The following RFT1 variants were observed in gnomAD, a reference collection of about 807,000 sequenced individuals.
RFT1 encodes the protein man(5)GlcNAc(2)-PP-dolichol translocation protein RFT1.
A neutral mutation model predicts 62.2 loss-of-function variants in RFT1; 43 were observed. The ratio of observed to expected loss-of-function variants is 0.69; its 90% confidence interval spans 0.54 to 0.89. RFT1 has a LOEUF of 0.89. Ranked by LOEUF, RFT1 falls within the 40% of genes least tolerant of loss-of-function variation. The pLI is 0.00. For missense variants in RFT1, 605 were observed against 649.9 expected (o/e 0.93, Z 0.75); for synonymous variants, 262 against 264.6 (o/e 0.99, Z 0.10).
chr3:53,092,444 G>A lies in RFT1; in HGVS notation c.1383C>T (p.Pro461=). The change falls in exon 12 of 13, where the codon CCC becomes CCT. Residue 461 remains proline (P), a synonymous_variant. Coordinates refer to ENST00000296292, the MANE Select transcript of RFT1 (RefSeq NM_052859.4). ...CTGGCGATAGGTGCAGGCCAGCCAG[G>A]GGCCTGTGGGGGCTCCTTCGGTAGT... The part of the protein sequence containing the change: ...HRYYRRSPHR[P]LAGLHLSPVL... The A allele has an allele frequency of 6.2e-7, 1 of 1,611,482 alleles. No homozygotes were observed.
At chr3:53,099,570 C>A in intron 10 of RFT1, 84 bp from the exon 11 acceptor site, 1 of 1,030,242 alleles carries the variant, frequency 9.7e-7, no homozygotes, top group Non-Finnish European at 1.5e-6. Flanking sequence ...ACCCAGAGAA[C>A]CAGAACCAGA....
intron 8 of RFT1, 136 bp downstream of exon 8, chr3:53,106,683 A>AC: frequency 1.3e-6 from 1 of 749,050 alleles, no homozygotes; most frequent in Non-Finnish European, 2.3e-6. Context: ...CAGTACAAAG[A>AC]CCTACAATTT....
chr3:53,119,954 T>G lies in RFT1; in HGVS notation c.626A>C (p.Glu209Ala). 1 of 1,612,948 alleles carries G rather than the reference T, an allele frequency of 6.2e-7. No homozygotes were observed. Among genetic ancestry groups the G allele is most frequent in the Non-Finnish European group, 8.5e-7 (1 of 1,179,498 alleles). Residue 209 changes from glutamate to alanine, a missense_variant, in exon 6 of 13, where the codon GAA becomes GCA. Glu to Ala is a moderately radical substitution (Grantham distance 107). Coordinates refer to ENST00000296292, the MANE Select transcript of RFT1 (RefSeq NM_052859.4). ...IYFTKLLGSP[E>A]STKLQTLPVS... ...AGGAAGAGTTTGAAGCTTGGTTGAT[T>G]CTGGGGAACCCAGTAACTTTGTGAA...
At chr3:53,081,901 G>A in the RFT1 span, among the ~76,000 whole-genome samples, 2 of 152,144 alleles carry the variant, frequency 1.3e-5, no homozygotes, top group African/African-American at 4.8e-5. Context: ...GGTCAGGGAT[G>A]GATTGAAAAC....
intron 6 of RFT1, among the ~76,000 whole-genome samples, chr3:53,114,157 C>T (rs943661402): frequency 2.0e-5 from 3 of 152,152 alleles, no homozygotes; most frequent in African/African-American, 4.8e-5. Context: ...TGACCACAGC[C>T]GGCTTCAGCA....
chr3:53,102,831 G>C (rs1014766355), intron 10 of RFT1, among the ~76,000 whole-genome samples: 1 of 152,246 alleles, frequency 6.6e-6, no homozygotes, highest in Non-Finnish European at 1.5e-5. Flanking sequence ...GCTGAGTCAT[G>C]ATAATGATGG....
At chr3:53,112,020 T>A (rs1701667137) in intron 6 of RFT1, 112 bp from the exon 7 acceptor site, 1 of 813,550 alleles carries the variant, frequency 1.2e-6, no homozygotes, top group Non-Finnish European at 2.1e-6. Context: ...ACTTGGATAG[T>A]CTCCACTGAA....
the RFT1 span, chr3:53,078,023 T>G: frequency 6.6e-6 from 1 of 152,146 alleles, no homozygotes; most frequent in African/African-American, 2.4e-5. Flanking sequence ...GGTCATCAAC[T>G]CAATATGACC....
At chr3:53,110,961 T>C (rs896639747) in intron 7 of RFT1, among the ~76,000 whole-genome samples, 1 of 152,152 alleles carries the variant, frequency 6.6e-6, no homozygotes, top group African/African-American at 2.4e-5. Context: ...GCCCTCCACA[T>C]TGAGAGCTCT....
At chr3:53,084,714 A>G (rs756949839), downstream of RFT1, among the ~76,000 whole-genome samples, 23 of 152,344 alleles carry the variant, frequency 1.5e-4, no homozygotes, top group Non-Finnish European at 3.1e-4. Context: ...CCCACTGAGC[A>G]CTGTGAACCC....
At chr3:53,082,535 T>C in the RFT1 span, among the ~76,000 whole-genome samples, 4 of 150,614 alleles carry the variant, frequency 2.7e-5, no homozygotes, top group Admixed American at 2.6e-4. Flanking sequence ...GGGGGGAAAT[T>C]AGCCCAGAGC....
At chr3:53,123,973 C>T (rs1702040561) in intron 2 of RFT1, 133 bp from the exon 3 acceptor site, 14 of 710,666 alleles carry the variant, frequency 2.0e-5, no homozygotes, top group Admixed American at 1.2e-4. Flanking sequence ...AGGCAGTGGG[C>T]TCTTACAGGA....
At chr3:53,107,372 C>T (rs935943010) in intron 7 of RFT1, among the ~76,000 whole-genome samples, 1 of 151,972 alleles carries the variant, frequency 6.6e-6, no homozygotes, top group African/African-American at 2.4e-5. Flanking sequence ...CTCCTGACCT[C>T]GTGATCTGCC....
At chr3:53,087,109 A>G (rs768344194), downstream of RFT1, among the ~76,000 whole-genome samples, 18 of 152,284 alleles carry the variant, frequency 1.2e-4, no homozygotes, top group East Asian at 1.9e-4. Flanking sequence ...GTGGTGGTGC[A>G]TGCCTGCAGT....
At chr3:53,070,801 C>T in the RFT1 span, among the ~76,000 whole-genome samples, 3 of 150,138 alleles carry the variant, frequency 2.0e-5, no homozygotes, top group East Asian at 6.4e-4. Flanking sequence ...CTTTGGGAGG[C>T]TGAGGTGGGC....
In RFT1 at chr3:53,092,005, A is replaced by T. The variant is rs765505800; in HGVS notation, c.1524T>A (p.Cys508Ter). The T allele has an allele frequency of 6.2e-7, 1 of 1,614,236 alleles. No individual in the cohort carries two copies. The highest frequency in any genetic ancestry group is 1.7e-5 in the Admixed American group (1 of 60,028). ...ATGCTGTCCCGAGAGTTGCTCCCAG[A>T]CAGAAGGCCCCCACAGCAATGTGTG... Reference protein sequence around the residue: ...RLAHIAVGAFCLGATLGTAFL... With the variant: ...RLAHIAVGAF The change falls in exon 13 of 13, where the codon TGT (cysteine) becomes TGA (stop). Residue 508 changes from cysteine (C) to a stop codon, truncating the protein, a stop_gained. Coordinates refer to ENST00000296292, the MANE Select transcript of RFT1 (RefSeq NM_052859.4). LOFTEE classifies it high-confidence loss of function.
chr3:53,129,191 A>G lies in RFT1; in HGVS notation c.63+1147T>C, dbSNP rs138104259. 1.1e-3 allele frequency among the ~76,000 whole-genome samples: 170 copies of G among 152,348 alleles called. 3 individuals are homozygous for G. Among genetic ancestry groups the G allele is most frequent in the African/African-American group, 3.9e-3 (164 of 41,588 alleles). ...TATCACGTGCAAGGCACTCTTCAAC[A>G]TGCTTTCCATAGGTTATCTCATTTC... On this transcript the variant is annotated intron_variant, in intron 1 of 12. Coordinates refer to ENST00000296292, the MANE Select transcript of RFT1 (RefSeq NM_052859.4).
At chr3:53,079,091 G>A in the RFT1 span, among the ~76,000 whole-genome samples, 1 of 152,222 alleles carries the variant, frequency 6.6e-6, no homozygotes. Context: ...GTGGGGATGT[G>A]GTAAAACATC....
chr3:53,118,971 GA>G (rs1701890540), intron 6 of RFT1, among the ~76,000 whole-genome samples: 1 of 152,184 alleles, frequency 6.6e-6, no homozygotes, highest in Non-Finnish European at 1.5e-5. Flanking sequence ...AGCACTTTGG[GA>G]GGCTGAGGTG....
Sources: gnomAD v4.1 joint callset for allele counts (sites outside exome capture counted in the v4.1 genomes callset) on GRCh38, gnomAD v4.1.1 for gene constraint, MANE v1.5 for transcripts, NCBI Gene and HGNC (gene_info 2026-07-23, HGNC 2026-07-21) for gene names.